The following ABCC11 variants were observed in gnomAD, a reference collection of about 807,000 sequenced individuals.
ABCC11 encodes ATP binding cassette subfamily C member 11.
ABCC11 carries 135 observed loss-of-function variants against 149.3 expected under a neutral mutation model. That is an observed-to-expected ratio of 0.90 (90% CI 0.79 to 1.04). The LOEUF (loss-of-function observed/expected upper bound fraction) is 1.04. Among genes scored for constraint, ABCC11 ranks in the 50% least tolerant of loss-of-function variants. ABCC11 has a pLI of 0.00. For missense variants in ABCC11, 1,680 were observed against 1,722.1 expected (o/e 0.98, Z 0.43); for synonymous variants, 665 against 671.4 (o/e 0.99, Z 0.15).
chr16:48,240,719 A>T (rs996982371), intron 1 of ABCC11, among the ~76,000 whole-genome samples: 4 of 151,932 alleles, frequency 2.6e-5, no homozygotes, highest in African/African-American at 9.7e-5. Flanking sequence ...GTTTCTTGCC[A>T]TTACTTTTGC....
chr16:48,180,666 A>T (rs1402561095), intron 23 of ABCC11, among the ~76,000 whole-genome samples: 1 of 152,206 alleles, frequency 6.6e-6, no homozygotes, highest in Non-Finnish European at 1.5e-5. Flanking sequence ...TGCAGAAGTC[A>T]GTGAGGTTCT....
At chr16:48,208,312 T>A (rs1360977684) in intron 12 of ABCC11, 113 bp downstream of exon 12, 1 of 1,155,210 alleles carries the variant, frequency 8.7e-7, no homozygotes, top group African/African-American at 1.5e-5. Context: ...AAATCCCACT[T>A]GCTCAGACCC....
Position 48,205,446 on chromosome 16 carries a change from T to G in ABCC11, c.1772A>C (p.Asn591Thr), listed in dbSNP as rs1448409716. The G allele has an allele frequency of 6.2e-7, 1 of 1,614,188 alleles. No individual in the cohort carries two copies. Among genetic ancestry groups the G allele is most frequent in the Admixed American group, 1.7e-5 (1 of 60,026 alleles). The change falls in exon 13 of 30, where the codon AAC (asparagine) becomes ACC (threonine). Residue 591 changes from asparagine (N) to threonine (T), a missense_variant. Asn to Thr is a moderately conservative substitution (Grantham distance 65). Coordinates refer to ENST00000356608, the MANE Select transcript of ABCC11 (RefSeq NM_001370497.1). The part of the protein sequence containing the change: ...AWIVSGNIRE[N>T]ILMGGAYDKA... The stretch of plus-strand genomic sequence containing the variant: ...GTCATATGCGCCTCCCATGAGGATG[T>G]TCTCCCTGATGTTCCCGCTGACGAT...
At position 48,200,346 on chromosome 16, in the gene ABCC11, T is replaced by A. The variant is rs747666995; in HGVS notation, c.2012A>T (p.His671Leu). ...CTTCTTAATGCACTCCTCAAAAATG[T>A]GCTTCCCCACGTGGGCGTCCACAGC... ...LSAVDAHVGK[H>L]IFEECIKKTL... The change falls in exon 15 of 30, where the codon CAC becomes CTC. Residue 671 changes from histidine (H) to leucine (L), a missense_variant. Transcript: ENST00000356608. 9 of 1,614,224 alleles carry A rather than the reference T, an allele frequency of 5.6e-6. No individual in the cohort carries two copies. Among genetic ancestry groups the A allele is most frequent in the Non-Finnish European group, 7.6e-6 (9 of 1,180,032 alleles).
Position 48,197,972 on chromosome 16 carries a change from A to T in ABCC11, c.2313T>A (p.Ala771=). 1 of 1,613,910 alleles carries T rather than the reference A, an allele frequency of 6.2e-7. No individual in the cohort carries two copies. The highest frequency in any genetic ancestry group is 8.5e-7 in the Non-Finnish European group (1 of 1,179,970). The change falls in exon 17 of 30, where the codon GCT becomes GCA. Residue 771 remains alanine (A), a splice_region_variant and synonymous_variant. Coordinates refer to ENST00000356608, the MANE Select transcript of ABCC11 (RefSeq NM_001370497.1). ...TSLEESLNGN[A]VPEHQLTQEE... ...TTGTCCTATCTCCCACACCATTACC[A>T]GCATTTCCGTTGAGAGACTCTTCCA...
intron 1 of ABCC11, among the ~76,000 whole-genome samples, chr16:48,240,650 G>A (rs751789390): frequency 6.6e-6 from 1 of 151,930 alleles, no homozygotes; most frequent in Non-Finnish European, 1.5e-5. Flanking sequence ...TAACAAACCT[G>A]CACATCTGCA....
rs560590280 is a variant in ABCC11, at chr16:48,227,982, A to G, written c.237-18T>C. ...CAGGAAACCTAGTAGAGGGGCCACA[A>G]GGATAAGAATGAATTCAGGATCAAG... On this transcript the variant is annotated intron_variant, in intron 3 of 29. Transcript: ENST00000356608. 4 of 1,596,486 alleles carry G rather than the reference A, an allele frequency of 2.5e-6. No homozygotes were observed. Among genetic ancestry groups the G allele is most frequent in the African/African-American group, 1.3e-5 (1 of 74,334 alleles).
At chr16:48,243,885 G>C (rs910986043) in intron 1 of ABCC11, among the ~76,000 whole-genome samples, 5 of 152,092 alleles carry the variant, frequency 3.3e-5, no homozygotes, top group African/African-American at 7.2e-5. Flanking sequence ...CCAGCTACTC[G>C]GGAGGCTGAG....
At chr16:48,175,481 G>T in intron 25 of ABCC11, 64 bp from the exon 26 acceptor site, 1 of 1,533,706 alleles carries the variant, frequency 6.5e-7, no homozygotes, top group South Asian at 1.2e-5. Context: ...AGCACAGATC[G>T]CACCTGGCGA....
chr16:48,243,431 G>C (rs1971117487), intron 1 of ABCC11, among the ~76,000 whole-genome samples: 1 of 150,444 alleles, frequency 6.6e-6, no homozygotes. Flanking sequence ...AAAAATTGAG[G>C]ACTTGCCACA....
In ABCC11 at chr16:48,240,400, T is replaced by C. The variant is rs532814134; in HGVS notation, c.-19+6914A>G. Among the ~76,000 whole-genome samples the C allele has an allele frequency of 3.9e-5, 6 of 152,280 alleles. No individual in the cohort carries two copies. In the East Asian group the frequency reaches 1.2e-3, roughly 29 times the overall value. ...GGACATGGATGGAGCTGGAAGCTGT[T>C]ACCCTCAGCAAACTAACACAGGATC... On this transcript the variant is annotated intron_variant, in intron 1 of 29. Coordinates refer to ENST00000356608, the MANE Select transcript of ABCC11 (RefSeq NM_001370497.1).
Position 48,208,414 on chromosome 16 carries a change from A to C in ABCC11, c.1680+11T>G, listed in dbSNP as rs755215022. On this transcript the variant is annotated intron_variant, in intron 12 of 29. Transcript: ENST00000356608. ...TGCAGACAGGCAAGCATGTGGCCAC[A>C]GATCACTTACCTCCTCCAGGATGGC... is the stretch of plus-strand genomic sequence containing the variant. 1 of 1,614,126 alleles carries C rather than the reference A, an allele frequency of 6.2e-7. No individual in the cohort carries two copies. Among genetic ancestry groups the C allele is most frequent in the Non-Finnish European group, 8.5e-7 (1 of 1,179,966 alleles).
At chr16:48,211,292 T>C (rs1286734733) in intron 10 of ABCC11, 93 bp from the exon 11 acceptor site, 1 of 1,466,646 alleles carries the variant, frequency 6.8e-7, no homozygotes, top group Admixed American at 2.0e-5. Flanking sequence ...CCAGTTGGTA[T>C]GGTTTTGTGA....
In ABCC11 at chr16:48,227,835, G is replaced by T. The variant is rs1028376961; in HGVS notation, c.366C>A (p.Val122=). 1 of 1,614,074 alleles carries T rather than the reference G, an allele frequency of 6.2e-7. No individual in the cohort carries two copies. Among genetic ancestry groups the T allele is most frequent in the East Asian group, 2.2e-5 (1 of 44,864 alleles). ...GGACATTTTTGTCTGAGGCATCATG[G>T]ACTGACAGTGGAGGGATGGTGTTCT... The part of the protein sequence containing the change: ...LDENTIPPLS[V]HDASDKNVQR... Residue 122 remains valine, a synonymous_variant, in exon 4 of 30, where the codon GTC becomes GTA. Coordinates refer to ENST00000356608, the MANE Select transcript of ABCC11 (RefSeq NM_001370497.1).
rs756948208 is a variant in ABCC11, at chr16:48,177,056, G to C, written c.3406C>G (p.Pro1136Ala). 2 of 1,614,020 alleles carry C rather than the reference G, an allele frequency of 1.2e-6. No homozygotes were observed. The highest frequency in any genetic ancestry group is 2.7e-5 in the African/African-American group (2 of 74,910). ...MEGTSCPQGW[P>A]QHGEIIFQDY... ...TGAAATATGATTTCCCCATGCTGTG[G>C]CCACCCCTGGGGACAACTTGTGCCT... Residue 1136 changes from proline to alanine, a missense_variant, in exon 25 of 30, where the codon CCA becomes GCA. Transcript: ENST00000356608.
At chr16:48,172,244 C>A (rs571157117) in intron 26 of ABCC11, among the ~76,000 whole-genome samples, 13 of 152,074 alleles carry the variant, frequency 8.5e-5, no homozygotes, top group Non-Finnish European at 1.3e-4. Context: ...TATGTATATA[C>A]CACATTTTGT....
intron 1 of ABCC11, among the ~76,000 whole-genome samples, chr16:48,240,170 C>T (rs1970893706): frequency 1.3e-5 from 2 of 152,194 alleles, no homozygotes. Flanking sequence ...AATCCCATTA[C>T]TGGGTACATA....
intron 3 of ABCC11, among the ~76,000 whole-genome samples, chr16:48,228,560 C>T (rs1282806301): frequency 1.3e-5 from 2 of 151,900 alleles, no homozygotes; most frequent in Non-Finnish European, 2.9e-5. Flanking sequence ...CACGCCACTA[C>T]CACTCCAGCC....
Position 48,241,290 on chromosome 16 carries a change from G to T in ABCC11, c.-19+6024C>A, listed in dbSNP as rs149055362. On this transcript the variant is annotated intron_variant, in intron 1 of 29. Coordinates refer to ENST00000356608, the MANE Select transcript of ABCC11 (RefSeq NM_001370497.1). The stretch of plus-strand genomic sequence containing the variant: ...CAAAATGCATATCATTGATCTAATC[G>T]TGAGAAACAGTAGATAAACTCCAAT... Among the ~76,000 whole-genome samples, 28 of 152,180 alleles carry T rather than the reference G, an allele frequency of 1.8e-4. No individual in the cohort carries two copies. The East Asian group carries it at 5.4e-3, about 29-fold the overall frequency.
Sources: gnomAD v4.1 joint callset for allele counts (sites outside exome capture counted in the v4.1 genomes callset) on GRCh38, gnomAD v4.1.1 for gene constraint, MANE v1.5 for transcripts, NCBI Gene and HGNC (gene_info 2026-07-23, HGNC 2026-07-21) for gene names.